Variants in CSMD2 observed in about 807,000 individuals in gnomAD.
CSMD2 encodes the protein CUB and Sushi multiple domains 2.
A neutral mutation model predicts 398.5 loss-of-function variants in CSMD2; 130 were observed. That is an observed-to-expected ratio of 0.33 (90% CI 0.28 to 0.38). The LOEUF is 0.38. Among genes scored for constraint, CSMD2 ranks in the 10% least tolerant of loss-of-function variants. CSMD2 has a pLI of 1.00. For missense variants in CSMD2, 3,829 were observed against 4,764.9 expected, an observed-to-expected ratio of 0.80 and a Z score of 5.78; for synonymous variants, 1,828 against 1,908.5, an observed-to-expected ratio of 0.96 and a Z score of 1.10.
At chr1:33,949,142 C>T (rs1025893204) in intron 3 of CSMD2, among the ~76,000 whole-genome samples, 2 of 152,184 alleles carry the variant, frequency 1.3e-5, no homozygotes, top group Non-Finnish European at 2.9e-5. Flanking sequence ...GGGTAATAAT[C>T]GCACCCAGCT....
Position 33,623,655 on chromosome 1 carries a change from G to A in CSMD2, c.5626-189C>T, listed in dbSNP as rs146149030. On this transcript the variant is annotated intron_variant, in intron 35 of 70. Coordinates refer to ENST00000373381, the MANE Select transcript of CSMD2 (RefSeq NM_001281956.2). ...ACTCCAAGGAGCTCGTTGTCCAGTGGGGAAGACAGATGTGGAAAAAAATGA... is the reference window on the plus strand; with the variant it reads ...ACTCCAAGGAGCTCGTTGTCCAGTGAGGAAGACAGATGTGGAAAAAAATGA... Among the ~76,000 whole-genome samples, 986 of 152,328 alleles carry A rather than the reference G, an allele frequency of 6.5e-3. 9 individuals are homozygous for A. Among genetic ancestry groups the A allele is most frequent in the African/African-American group, 0.022 (913 of 41,572 alleles).
chr1:33,521,687 A>G (rs1654314270), intron 67 of CSMD2, 137 bp from the exon 68 acceptor site: 1 of 678,006 alleles, frequency 1.5e-6, no homozygotes, highest in Non-Finnish European at 2.7e-6. Flanking sequence ...CTCTGCCCAC[A>G]CCTAGGCAAG....
intron 1 of CSMD2, among the ~76,000 whole-genome samples, chr1:34,098,658 T>A (rs1441178385): frequency 6.7e-6 from 1 of 149,482 alleles, no homozygotes; most frequent in Non-Finnish European, 1.5e-5. Context: ...TATCAGGCAA[T>A]ATTAAAAAAA....
chr1:33,773,548 C>T (rs1209647014), intron 12 of CSMD2, among the ~76,000 whole-genome samples: 4 of 152,136 alleles, frequency 2.6e-5, no homozygotes, highest in Non-Finnish European at 5.9e-5. Context: ...CCAGATGCTT[C>T]TGGAAAGGAG....
At chr1:34,130,466 C>T (rs899490057) in intron 1 of CSMD2, among the ~76,000 whole-genome samples, 1 of 148,454 alleles carries the variant, frequency 6.7e-6, no homozygotes, top group Admixed American at 6.8e-5. Flanking sequence ...TATGGAGAAG[C>T]ATGCAGGAGT....
At chr1:34,023,744 G>T (rs886904286) in intron 3 of CSMD2, among the ~76,000 whole-genome samples, 33 of 152,204 alleles carry the variant, frequency 2.2e-4, no homozygotes, top group Admixed American at 2.0e-3. Context: ...TGTCATTCAT[G>T]CTCACAGTCC....
intron 1 of CSMD2, among the ~76,000 whole-genome samples, chr1:34,104,472 C>G (rs1374119051): frequency 3.9e-5 from 6 of 152,168 alleles, no homozygotes; most frequent in African/African-American, 1.4e-4. Context: ...GTTGGAGATG[C>G]CAGTGGGACA....
At chr1:33,808,198 C>T (rs1656442557) in intron 10 of CSMD2, among the ~76,000 whole-genome samples, 1 of 152,036 alleles carries the variant, frequency 6.6e-6, no homozygotes, top group Admixed American at 6.5e-5. Context: ...TAATATTCCT[C>T]CCTCTGCCGT....
At chr1:33,882,682 T>C (rs1421242459) in intron 5 of CSMD2, among the ~76,000 whole-genome samples, 1 of 152,238 alleles carries the variant, frequency 6.6e-6, no homozygotes, top group Non-Finnish European at 1.5e-5. Flanking sequence ...CCTATCTCTT[T>C]GAGGTCACAG....
At chr1:33,651,443 C>T (rs566162906) in intron 28 of CSMD2, among the ~76,000 whole-genome samples, 129 of 152,242 alleles carry the variant, frequency 8.5e-4, no homozygotes, top group Middle Eastern at 3.4e-3. Flanking sequence ...ATCTGGATAG[C>T]GATGCTGACG....
Position 33,724,178 on chromosome 1 carries a change from T to C in CSMD2, c.3001+19A>G, listed in dbSNP as rs760470587. ...GACCTCGTCACATCCCAATGCCTGC[T>C]ATGGGCTGAAACACTCACCCTTGCC... is the stretch of plus-strand genomic sequence containing the variant. On this transcript the variant is annotated intron_variant, in intron 19 of 70. Coordinates refer to ENST00000373381, the MANE Select transcript of CSMD2 (RefSeq NM_001281956.2). 6.4e-7 allele frequency: 1 copy of C among 1,565,544 alleles called. No homozygotes were observed. Among genetic ancestry groups the C allele is most frequent in the Non-Finnish European group, 8.8e-7 (1 of 1,135,808 alleles).
chr1:33,722,185 T>A (rs1407736390), intron 19 of CSMD2, among the ~76,000 whole-genome samples: 1 of 152,248 alleles, frequency 6.6e-6, no homozygotes, highest in African/African-American at 2.4e-5. Context: ...AATCTTGATG[T>A]AGAGTTTTAC....
intron 1 of CSMD2, among the ~76,000 whole-genome samples, chr1:34,146,994 A>T (rs1027804051): frequency 2.2e-4 from 34 of 152,222 alleles, no homozygotes; most frequent in Non-Finnish European, 4.3e-4. Flanking sequence ...GCGGTGGCTC[A>T]TGCCTGTAAT....
intron 2 of CSMD2, among the ~76,000 whole-genome samples, chr1:34,064,989 A>C (rs1449380093): frequency 6.6e-6 from 1 of 152,134 alleles, no homozygotes; most frequent in African/African-American, 2.4e-5. Context: ...TATAAGGGAA[A>C]CCACCCCTAT....
intron 10 of CSMD2, chr1:33,804,896 C>T (rs1656042887): frequency 1.4e-6 from 1 of 717,348 alleles, no homozygotes; most frequent in Admixed American, 2.0e-5. Context: ...GGTCTCCTCC[C>T]GCCTGGATCA....
intron 12 of CSMD2, among the ~76,000 whole-genome samples, chr1:33,774,107 T>TTGTGTGTGTGTGTGTGTG (rs61454614): frequency 7.1e-6 from 1 of 141,618 alleles, no homozygotes; most frequent in Admixed American, 7.0e-5. Flanking sequence ...ATGGCTGGGA[T>TTGTGTGTGTGTGTGTGTG]TGTGTGTGTG....
chr1:33,538,830 A>T (rs1183923220), intron 60 of CSMD2, among the ~76,000 whole-genome samples: 1 of 152,236 alleles, frequency 6.6e-6, no homozygotes, highest in Admixed American at 6.5e-5. Flanking sequence ...GCATCCAGAA[A>T]CATTCTCATT....
chr1:33,552,087 C>T (rs1657499324), intron 55 of CSMD2, among the ~76,000 whole-genome samples: 1 of 152,192 alleles, frequency 6.6e-6, no homozygotes, highest in South Asian at 2.1e-4. Flanking sequence ...AATTGCCAAT[C>T]ATAAGCAAGA....
intron 53 of CSMD2, among the ~76,000 whole-genome samples, chr1:33,561,152 C>T (rs1658506593): frequency 6.6e-6 from 1 of 152,170 alleles, no homozygotes; most frequent in African/African-American, 2.4e-5. Flanking sequence ...AGAGGAAGCA[C>T]CCAGTCCTTG....
Sources: gnomAD v4.1 joint callset for allele counts (sites outside exome capture counted in the v4.1 genomes callset) on GRCh38, gnomAD v4.1.1 for gene constraint, MANE v1.5 for transcripts, NCBI Gene and HGNC (gene_info 2026-07-23, HGNC 2026-07-21) for gene names.